Variants in ODAD2 observed in about 807,000 individuals in gnomAD.
ODAD2 encodes the protein outer dynein arm-docking complex subunit 2.
ODAD2 carries 89 observed loss-of-function variants against 106.8 expected under a neutral mutation model. The ratio of observed to expected loss-of-function variants is 0.83; its 90% CI spans 0.70 to 0.99. The LOEUF (loss-of-function observed/expected upper bound fraction) is 0.99, where lower values mean the gene tolerates loss of function less well. ODAD2 is among the 50% of genes least tolerant of loss of function. The probability of loss-of-function intolerance (pLI) is 0.00; values close to 1 mark genes in which losing one functional copy is unlikely to be tolerated. For missense variants in ODAD2, 1,168 were observed against 1,238.5 expected, an observed-to-expected ratio of 0.94 and a Z score of 0.85; for synonymous variants, 404 against 436.2, an observed-to-expected ratio of 0.93 and a Z score of 0.92.
At chr10:27,987,709 C>CA (rs1161459691) in intron 2 of ODAD2, among the ~76,000 whole-genome samples, 166 bp from the exon 3 acceptor site, 1 of 151,950 alleles carries the variant, frequency 6.6e-6, no homozygotes, top group African/African-American at 2.4e-5. Context: ...CTTCCACACT[C>CA]AAACTCTTAA....
chr10:27,936,482 T>C (rs1845979676), intron 15 of ODAD2, among the ~76,000 whole-genome samples: 1 of 152,094 alleles, frequency 6.6e-6, no homozygotes. Context: ...ATATGCAAAA[T>C]AGAGAAATCA....
intron 19 of ODAD2, among the ~76,000 whole-genome samples, chr10:27,835,546 T>C (rs147552403): frequency 1.8e-4 from 27 of 152,274 alleles, no homozygotes; most frequent in Admixed American, 7.2e-4. Context: ...AACCCACATA[T>C]AACTTTTGAC....
intron 2 of ODAD2, among the ~76,000 whole-genome samples, chr10:27,990,761 T>G (rs546134423): frequency 3.3e-5 from 5 of 152,292 alleles, no homozygotes; most frequent in South Asian, 4.1e-4. Context: ...AGGTATAAAT[T>G]GTGTGTGAAT....
In ODAD2 at chr10:27,868,600, G is replaced by A. The variant is rs764160700; in HGVS notation, c.2611-5978C>T. ...ACACGAACAGAAAACCAAACAACAC[G>A]TGTTCTCACTCATAAGTGGGAGCTG... On this transcript the variant is annotated intron_variant, in intron 17 of 19. Transcript: ENST00000305242. Among the ~76,000 whole-genome samples, 36 of 152,138 alleles carry A rather than the reference G, an allele frequency of 2.4e-4. 1 individual carries two copies. The highest frequency in any genetic ancestry group is 4.6e-4 in the Non-Finnish European group (31 of 68,006).
chr10:27,946,124 TA>T (rs1393381459), intron 10 of ODAD2, among the ~76,000 whole-genome samples: 1 of 148,576 alleles, frequency 6.7e-6, no homozygotes, highest in Admixed American at 6.7e-5. Context: ...TGTATAATTT[TA>T]AAATGTATTT....
At chr10:27,946,373 G>C (rs1471854043) in intron 10 of ODAD2, among the ~76,000 whole-genome samples, 4 of 151,338 alleles carry the variant, frequency 2.6e-5, no homozygotes, top group African/African-American at 7.3e-5. Context: ...CAACACAATA[G>C]GTCAAGTTTT....
At chr10:27,936,606 T>C in intron 15 of ODAD2, 120 bp downstream of exon 15, 1 of 1,163,648 alleles carries the variant, frequency 8.6e-7, no homozygotes, top group East Asian at 2.4e-5. Context: ...GCTAACTTCA[T>C]CCAGAATGTA....
At chr10:27,979,900 G>A (rs1283057648) in intron 7 of ODAD2, among the ~76,000 whole-genome samples, 1 of 152,086 alleles carries the variant, frequency 6.6e-6, no homozygotes, top group African/African-American at 2.4e-5. Context: ...ATACCGAATA[G>A]CCAAAACAGT....
At chr10:27,900,037 G>A (rs7895017) in intron 17 of ODAD2, among the ~76,000 whole-genome samples, 5,503 of 152,216 alleles carry the variant, frequency 0.036, 343 homozygotes, top group African/African-American at 0.13. Context: ...CTCCCAGCAG[G>A]GGTGGACAGA....
intron 17 of ODAD2, among the ~76,000 whole-genome samples, chr10:27,899,303 G>A (rs983234600): frequency 2.6e-5 from 4 of 152,012 alleles, no homozygotes; most frequent in South Asian, 2.1e-4. Context: ...CTTTTCCCAC[G>A]GTCTTTGCAA....
intron 7 of ODAD2, among the ~76,000 whole-genome samples, chr10:27,979,789 G>A (rs1849430052): frequency 6.6e-6 from 1 of 152,114 alleles, no homozygotes; most frequent in Non-Finnish European, 1.5e-5. Flanking sequence ...GCAATACTAT[G>A]TAAAGCAATT....
chr10:27,879,925 ACT>A (rs1841589418), intron 17 of ODAD2, among the ~76,000 whole-genome samples: 1 of 152,040 alleles, frequency 6.6e-6, no homozygotes, highest in Non-Finnish European at 1.5e-5. Context: ...GCAGAGGCCT[ACT>A]CTCTCATTTA....
At chr10:27,981,688 G>T in intron 6 of ODAD2, 106 bp from the exon 7 acceptor site, 1 of 799,666 alleles carries the variant, frequency 1.3e-6, no homozygotes, top group Non-Finnish European at 2.0e-6. Flanking sequence ...ATCTCCGAAG[G>T]ATCTATATGG....
At chr10:27,940,383 G>GTA (rs755772185) in intron 13 of ODAD2, among the ~76,000 whole-genome samples, 180 bp downstream of exon 13, 50 of 151,954 alleles carry the variant, frequency 3.3e-4, no homozygotes, top group African/African-American at 9.6e-4. Context: ...ACATATATGT[G>GTA]TATATATATC....
At chr10:27,917,322 A>T (rs1844466252) in intron 16 of ODAD2, among the ~76,000 whole-genome samples, 1 of 152,148 alleles carries the variant, frequency 6.6e-6, no homozygotes, top group South Asian at 2.1e-4. Context: ...ACTATTTTGA[A>T]TTAAATAAAA....
intron 17 of ODAD2, among the ~76,000 whole-genome samples, chr10:27,899,770 C>T (rs778681143): frequency 5.5e-4 from 83 of 151,984 alleles, no homozygotes; most frequent in Non-Finnish European, 1.1e-3. Context: ...CTAGATTCCT[C>T]CTCTCTGGGC....
rs1006187760 is a variant in ODAD2, at chr10:27,812,400, G to T, written c.*112C>A. 1.1e-6 allele frequency: 1 copy of T among 914,030 alleles called. No homozygotes were observed. The highest frequency in any genetic ancestry group is 1.6e-6 in the Non-Finnish European group (1 of 610,742). 56.6% of individuals were successfully genotyped at this position (914,030 alleles called of 1,614,324 possible). A position where few individuals can be genotyped will look rare whatever the true frequency, so the allele number is the denominator to read the frequency against. On this transcript the variant is annotated 3_prime_UTR_variant, in exon 20 of 20. Coordinates refer to ENST00000305242, the MANE Select transcript of ODAD2 (RefSeq NM_018076.5). ...TTTTCAATTTGTGTGTTTTCATTTA[G>T]ATGGTTGAAAGGGTTTGCTAACAAC...
At chr10:27,976,492 C>T (rs888820301) in intron 7 of ODAD2, among the ~76,000 whole-genome samples, 5 of 152,000 alleles carry the variant, frequency 3.3e-5, no homozygotes, top group South Asian at 2.1e-4. Context: ...AAATTTAAAA[C>T]TCATTAACAA....
At chr10:27,967,480 A>AC (rs1310159920) in intron 9 of ODAD2, among the ~76,000 whole-genome samples, 1 of 151,968 alleles carries the variant, frequency 6.6e-6, no homozygotes. Context: ...CCCTTGCCTG[A>AC]CCCCCCAGGC....
Sources: gnomAD v4.1 joint callset for allele counts (sites outside exome capture counted in the v4.1 genomes callset) on GRCh38, gnomAD v4.1.1 for gene constraint, MANE v1.5 for transcripts, NCBI Gene and HGNC (gene_info 2026-07-23, HGNC 2026-07-21) for gene names.